FREM1: variants seen among roughly 807,000 people sequenced by gnomAD.
The protein encoded by FREM1 is FRAS1-related extracellular matrix protein 1.
Under a neutral mutation model 210.1 loss-of-function variants are expected in FREM1, and 220 were observed. That is an observed-to-expected ratio of 1.05 (90% CI 0.94 to 1.17). The LOEUF (loss-of-function observed/expected upper bound fraction) is 1.17. Ranked by LOEUF, FREM1 falls within the 50% of genes most tolerant of loss-of-function variation. The pLI is 0.00. For synonymous variants in FREM1, 1,189 were observed against 980.2 expected, an observed-to-expected ratio of 1.21 and a Z score of -3.98; for missense variants, 3,454 against 2,675.5, an observed-to-expected ratio of 1.29 and a Z score of -6.42.
upstream of FREM1, chr9:14,910,886 C>A (rs775017797): frequency 6.6e-6 from 1 of 152,078 alleles, no homozygotes; most frequent in Non-Finnish European, 1.5e-5. Context: ...GGACAGGGCC[C>A]GTTTTAACTT....
chr9:14,863,671 C>G, intron 3 of FREM1, 138 bp downstream of exon 3: 1 of 597,436 alleles, frequency 1.7e-6, no homozygotes, highest in South Asian at 2.2e-5. Flanking sequence ...CCACTCAGGC[C>G]TCCAGTTTCT....
chr9:14,760,989 G>T (rs999412130), intron 27 of FREM1, among the ~76,000 whole-genome samples: 6 of 152,046 alleles, frequency 3.9e-5, no homozygotes, highest in Admixed American at 3.3e-4. Flanking sequence ...AATCCTTAGT[G>T]GTTGCCTTAC....
rs60938956 is a variant in FREM1, at chr9:14,773,605, A to ATTTT, written c.4857+2180_4857+2183dup. On this transcript the variant is annotated intron_variant, in intron 25 of 36. Transcript: ENST00000380880. ...CCTTGTGGGGTTTTTACACGTAATG[A>ATTTT]TTTTTTTTTTTTTTTGCAAGGAAAG... Among the ~76,000 whole-genome samples, 848 of 143,540 alleles carry ATTTT rather than the reference A, an allele frequency of 5.9e-3. 13 individuals are homozygous for ATTTT. Among genetic ancestry groups the ATTTT allele is most frequent in the African/African-American group, 0.021 (828 of 39,002 alleles). The allele number at this position is 143,540 out of a possible 152,430, so 94.2% of individuals were successfully genotyped here. A position where few individuals can be genotyped will look rare whatever the true frequency, so the allele number is the denominator to read the frequency against.
intron 21 of FREM1, among the ~76,000 whole-genome samples, chr9:14,796,254 C>A (rs1852360934): frequency 6.6e-6 from 1 of 152,086 alleles, no homozygotes; most frequent in Admixed American, 6.5e-5. Flanking sequence ...GTTATTCACT[C>A]CCTGATAAAA....
chr9:14,786,615 G>A (rs983392044), intron 23 of FREM1, among the ~76,000 whole-genome samples: 1 of 152,160 alleles, frequency 6.6e-6, no homozygotes, highest in Non-Finnish European at 1.5e-5. Flanking sequence ...CTGGGATGCT[G>A]CTAAACATTT....
intron 13 of FREM1, among the ~76,000 whole-genome samples, chr9:14,822,330 C>A (rs1015907660): frequency 6.6e-6 from 1 of 152,140 alleles, no homozygotes; most frequent in Non-Finnish European, 1.5e-5. Context: ...AAGACCTCTG[C>A]CCCACAACCT....
At chr9:14,842,253 C>G (rs2131213095) in intron 9 of FREM1, 63 bp downstream of exon 9, 1 of 1,010,268 alleles carries the variant, frequency 9.9e-7, no homozygotes. Context: ...CAGAAGGATG[C>G]ATAGAAGGTT....
chr9:14,747,852 A>T (rs1842742448), intron 31 of FREM1, 124 bp from the exon 32 acceptor site: 1 of 532,878 alleles, frequency 1.9e-6, no homozygotes, highest in Non-Finnish European at 3.3e-6. Flanking sequence ...TAATCTTAAG[A>T]TTTCCCACGC....
chr9:14,771,897 T>C (rs1422456164), intron 25 of FREM1, among the ~76,000 whole-genome samples: 1 of 152,022 alleles, frequency 6.6e-6, no homozygotes, highest in African/African-American at 2.4e-5. Flanking sequence ...CAGAATAGAA[T>C]TCGAATATAA....
chr9:14,832,400 C>T lies in FREM1; in HGVS notation c.1882-7408G>A, dbSNP rs140351721. Among the ~76,000 whole-genome samples the T allele has an allele frequency of 1.2e-3, 178 of 152,150 alleles. 1 individual carries two copies. Among genetic ancestry groups the T allele is most frequent in the African/African-American group, 4.0e-3 (168 of 41,504 alleles). ...TGCAGCTAAAACAGGCAGCTCTGCA[C>T]GCAGAAGAGAATTTTGGAGATAAGC... On this transcript the variant is annotated intron_variant, in intron 10 of 36. Coordinates refer to ENST00000380880, the MANE Select transcript of FREM1 (RefSeq NM_001379081.2).
chr9:14,797,653 GA>G lies in FREM1; in HGVS notation c.3695-12del, dbSNP rs771568917. ...ACGTCAACCTCATTCCTGGAAGAAGGAAAAAAAATAAGTAAATCTTCCTTAT... is the reference window on the plus strand; with the variant it reads ...ACGTCAACCTCATTCCTGGAAGAAGGAAAAAAATAAGTAAATCTTCCTTAT... On this transcript the variant is annotated splice_polypyrimidine_tract_variant and intron_variant, in intron 20 of 36. Coordinates refer to ENST00000380880, the MANE Select transcript of FREM1 (RefSeq NM_001379081.2). The G allele has an allele frequency of 1.3e-5, 20 of 1,594,882 alleles. No homozygotes were observed. Among genetic ancestry groups the G allele is most frequent in the South Asian group, 2.3e-5 (2 of 88,222 alleles).
chr9:14,853,558 T>G (rs1828149701), intron 5 of FREM1, among the ~76,000 whole-genome samples: 1 of 152,190 alleles, frequency 6.6e-6, no homozygotes, highest in Admixed American at 6.5e-5. Flanking sequence ...TCAGAGAGCA[T>G]GAAATCATAT....
At position 14,807,998 on chromosome 9, in the gene FREM1, C is replaced by T. The variant is rs1360682452; in HGVS notation, c.3030G>A (p.Val1010=). Residue 1010 remains valine (V), a synonymous_variant, in exon 17 of 37, where the codon GTG becomes GTA. Transcript: ENST00000380880. ...GGTATACCGTGATGTTGAGATCATA[C>T]ACTGGAAAGGACGCATGAAGTGGAA... ...PSVPLHASFP[V]YDLNITVYPV... is the part of the protein sequence containing the mutation. 1.9e-6 allele frequency: 3 copies of T among 1,613,732 alleles called. No individual in the cohort carries two copies. Among genetic ancestry groups the T allele is most frequent in the Non-Finnish European group, 2.5e-6 (3 of 1,179,806 alleles).
intron 5 of FREM1, among the ~76,000 whole-genome samples, chr9:14,857,273 G>C (rs1434835383): frequency 6.6e-6 from 1 of 152,194 alleles, no homozygotes; most frequent in Non-Finnish European, 1.5e-5. Context: ...GAGTAAAGGA[G>C]GAAGAAGGTT....
intron 32 of FREM1, 45 bp from the exon 33 acceptor site, chr9:14,747,473 T>A (rs751455067): frequency 6.4e-7 from 1 of 1,561,654 alleles, no homozygotes; most frequent in Non-Finnish European, 8.7e-7. Context: ...AAAACAAACA[T>A]CAAGATAGCA....
chr9:14,846,755 CT>C (rs1826695648), intron 7 of FREM1, among the ~76,000 whole-genome samples: 2 of 152,238 alleles, frequency 1.3e-5, no homozygotes, highest in South Asian at 4.1e-4. Flanking sequence ...GCAGAGCAAG[CT>C]GGTCGAATTG....
intron 24 of FREM1, among the ~76,000 whole-genome samples, chr9:14,777,371 T>C (rs1017674696): frequency 1.3e-5 from 2 of 150,198 alleles, no homozygotes; most frequent in African/African-American, 2.4e-5. Context: ...AGGCACAATA[T>C]TAAAACTCCA....
intron 34 of FREM1, among the ~76,000 whole-genome samples, chr9:14,746,686 C>G (rs1356357290): frequency 6.6e-6 from 1 of 152,198 alleles, no homozygotes; most frequent in Admixed American, 6.5e-5. Flanking sequence ...AACTTTGACA[C>G]TCTGATAACT....
At chr9:14,818,970 T>A (rs1437894477) in intron 14 of FREM1, among the ~76,000 whole-genome samples, 1 of 152,210 alleles carries the variant, frequency 6.6e-6, no homozygotes, top group Non-Finnish European at 1.5e-5. Context: ...ACTGCCAATT[T>A]AATATTCACG....
Sources: gnomAD v4.1 joint callset for allele counts (sites outside exome capture counted in the v4.1 genomes callset) on GRCh38, gnomAD v4.1.1 for gene constraint, MANE v1.5 for transcripts, NCBI Gene and HGNC (gene_info 2026-07-23, HGNC 2026-07-21) for gene names.